Variants in GOLGA4 observed in about 807,000 individuals in gnomAD.
The protein encoded by GOLGA4 is golgin subfamily A member 4.
GOLGA4 carries 169 observed loss-of-function variants against 265.9 expected under a neutral mutation model. The observed-to-expected ratio is 0.64, with a 90% CI of 0.56 to 0.72. GOLGA4 has a LOEUF of 0.72. GOLGA4 is among the 30% of genes least tolerant of loss of function. The pLI is 0.00. For missense variants in GOLGA4, 2,482 were observed against 2,483.4 expected (o/e 1.00, Z 0.01); for synonymous variants, 923 against 855.8 (o/e 1.08, Z -1.37).
intron 3 of GOLGA4, among the ~76,000 whole-genome samples, chr3:37,283,708 G>T (rs1171638800): frequency 6.6e-6 from 1 of 151,902 alleles, no homozygotes; most frequent in African/African-American, 2.4e-5. Flanking sequence ...GTATTTTTTC[G>T]TAGAGTTGAG....
intron 9 of GOLGA4, among the ~76,000 whole-genome samples, chr3:37,300,386 C>G (rs939317400): frequency 1.3e-5 from 2 of 152,110 alleles, no homozygotes; most frequent in Non-Finnish European, 2.9e-5. Flanking sequence ...AAGAACATGT[C>G]AGAGCTGTCC....
At chr3:37,261,650 A>G (rs2096770175) in intron 2 of GOLGA4, among the ~76,000 whole-genome samples, 1 of 152,156 alleles carries the variant, frequency 6.6e-6, no homozygotes, top group Non-Finnish European at 1.5e-5. Context: ...AGGACTGGAA[A>G]TGTTCTATAC....
intron 2 of GOLGA4, among the ~76,000 whole-genome samples, chr3:37,271,886 C>A (rs2096799682): frequency 6.6e-6 from 1 of 152,182 alleles, no homozygotes; most frequent in South Asian, 2.1e-4. Flanking sequence ...GCTCTGCCTC[C>A]TGTTAGATCA....
In GOLGA4 at chr3:37,327,198, G is replaced by A; in HGVS notation, c.5312G>A (p.Cys1771Tyr). The change falls in exon 14 of 24, where the codon TGC becomes TAC. Residue 1771 changes from cysteine to tyrosine, a missense_variant. Around this residue, in one of 3 missense-constraint regions of GOLGA4, gnomAD observed 942 missense variants for 983.1 expected, o/e 0.96. Transcript: ENST00000361924. ...ETVSSHFEMR[C>Y]QYQERLIKLE... ...GTTTCTTCTCATTTTGAAATGCGAT[G>A]CCAATACCAGGAGCGCTTAATAAAG... 1 of 1,613,884 alleles carries A rather than the reference G, an allele frequency of 6.2e-7. No homozygotes were observed. Among genetic ancestry groups the A allele is most frequent in the South Asian group, 1.1e-5 (1 of 91,072 alleles).
chr3:37,362,240 ATTTT>A (rs773620319), intron 23 of GOLGA4, among the ~76,000 whole-genome samples: 1 of 93,978 alleles, frequency 1.1e-5, no homozygotes, highest in African/African-American at 4.0e-5. Flanking sequence ...TTTATTTATT[ATTTT>A]TTTTTTTTTT....
At chr3:37,308,245 A>C (rs1202319692) in intron 10 of GOLGA4, among the ~76,000 whole-genome samples, 8 of 151,870 alleles carry the variant, frequency 5.3e-5, no homozygotes, top group African/African-American at 1.9e-4. Context: ...AAAAAAAAAA[A>C]CGAACAAAAA....
chr3:37,304,802 C>A (rs938168548), intron 10 of GOLGA4, among the ~76,000 whole-genome samples: 6 of 152,054 alleles, frequency 3.9e-5, no homozygotes, highest in Non-Finnish European at 8.8e-5. Flanking sequence ...AGCTTTCCTT[C>A]CCTTGCTTGC....
At chr3:37,363,779 A>C (rs1008496320) in intron 23 of GOLGA4, among the ~76,000 whole-genome samples, 2 of 152,170 alleles carry the variant, frequency 1.3e-5, no homozygotes, top group African/African-American at 4.8e-5. Flanking sequence ...TGTCTCCCAT[A>C]ATTTTTTAGA....
At chr3:37,266,785 T>G in intron 2 of GOLGA4, 1 of 816,978 alleles carries the variant, frequency 1.2e-6, no homozygotes, top group Non-Finnish European at 1.8e-6. Context: ...CATTATGATT[T>G]GTTTTTCATC....
At chr3:37,339,715 C>T (rs2097026504) in intron 19 of GOLGA4, among the ~76,000 whole-genome samples, 1 of 152,130 alleles carries the variant, frequency 6.6e-6, no homozygotes, top group South Asian at 2.1e-4. Flanking sequence ...AGTCCTTTGT[C>T]CATTTTTTAG....
intron 5 of GOLGA4, 125 bp downstream of exon 5, chr3:37,289,416 C>A: frequency 1.7e-6 from 1 of 577,762 alleles, no homozygotes; most frequent in Non-Finnish European, 3.1e-6. Flanking sequence ...CCAGTCCAGC[C>A]TACAAGACCA....
intron 2 of GOLGA4, among the ~76,000 whole-genome samples, chr3:37,252,143 T>TC (rs2096735634): frequency 6.6e-6 from 1 of 151,528 alleles, no homozygotes; most frequent in Non-Finnish European, 1.5e-5. Flanking sequence ...CCACTTTTTT[T>TC]CTGTGAAGTG....
Position 37,250,322 on chromosome 3 carries a change from C to G in GOLGA4, c.73-1073C>G, listed in dbSNP as rs566428814. 4 of 152,198 alleles carry G rather than the reference C, an allele frequency of 2.6e-5. No homozygotes were observed. In the South Asian group the frequency reaches 8.3e-4, roughly 32 times the overall value. The allele number at this position is 152,198 out of a possible 1,614,324, so 9.4% of individuals were successfully genotyped here. ...AAGGATCTGATTTGTGTGTCTTGCC[C>G]CATATGGATGGCCAGTTGTCCCAAC... On this transcript the variant is annotated intron_variant, in intron 1 of 23. Coordinates refer to ENST00000361924, the MANE Select transcript of GOLGA4 (RefSeq NM_002078.5).
At chr3:37,321,962 T>C (rs1466207090) in intron 13 of GOLGA4, 76 bp downstream of exon 13, 3 of 1,214,958 alleles carry the variant, frequency 2.5e-6, no homozygotes, top group South Asian at 3.0e-5. Context: ...CTAGTCAGTA[T>C]AAAGTTTCGA....
At chr3:37,363,555 A>G (rs1237199714) in intron 23 of GOLGA4, among the ~76,000 whole-genome samples, 2 of 152,150 alleles carry the variant, frequency 1.3e-5, no homozygotes, top group African/African-American at 2.4e-5. Context: ...CTCTCCATTT[A>G]TATTATTCCC....
chr3:37,350,969 G>A (rs1453078745), intron 21 of GOLGA4, among the ~76,000 whole-genome samples: 1 of 152,080 alleles, frequency 6.6e-6, no homozygotes, highest in Admixed American at 6.6e-5. Flanking sequence ...AGGTTGGGGT[G>A]TCTGTGGCAT....
At position 37,327,819 on chromosome 3, in the gene GOLGA4, A is replaced by G. The variant is rs1482154920; in HGVS notation, c.5933A>G (p.Lys1978Arg). ...GAATATGATCAAGAAAGGGAAGAGA[A>G]AATCAAGTAAGTTTTATTTCAGCTT... ...KKEYDQEREE[K>R]IKQEQEDLEL... The change falls in exon 14 of 24, where the codon AAA becomes AGA. Residue 1978 changes from lysine to arginine, a missense_variant. Physicochemically the swap from Lys to Arg is conservative, Grantham distance 26. Coordinates refer to ENST00000361924, the MANE Select transcript of GOLGA4 (RefSeq NM_002078.5). 6.3e-7 allele frequency: 1 copy of G among 1,589,798 alleles called. No individual in the cohort carries two copies. Among genetic ancestry groups the G allele is most frequent in the East Asian group, 2.2e-5 (1 of 44,570 alleles).
In GOLGA4 at chr3:37,335,186, G is replaced by C; in HGVS notation, c.6306+20G>C. On this transcript the variant is annotated intron_variant, in intron 17 of 23. Transcript: ENST00000361924. ...GATAATGTGAGAGGAGTTTGAGTTT[G>C]CTGCACATGTTTCTTGAAAACATTG... The C allele has an allele frequency of 8.0e-7, 1 of 1,245,432 alleles. No individual in the cohort carries two copies. Among genetic ancestry groups the C allele is most frequent in the Non-Finnish European group, 1.2e-6 (1 of 855,188 alleles). 77.1% of individuals were successfully genotyped at this position (1,245,432 alleles called of 1,614,324 possible). A position where few individuals can be genotyped will look rare whatever the true frequency, so the allele number is the denominator to read the frequency against.
At chr3:37,295,266 A>G (rs768746723) in intron 6 of GOLGA4, among the ~76,000 whole-genome samples, 189 bp downstream of exon 6, 4 of 151,988 alleles carry the variant, frequency 2.6e-5, no homozygotes, top group Non-Finnish European at 5.9e-5. Flanking sequence ...CACCCTGGCT[A>G]TAGTGCAGTG....
Sources: gnomAD v4.1 joint callset for allele counts (sites outside exome capture counted in the v4.1 genomes callset) on GRCh38, gnomAD v4.1.1 for gene constraint, gnomAD v4.1.1 regional missense constraint, MANE v1.5 for transcripts, NCBI Gene and HGNC (gene_info 2026-07-23, HGNC 2026-07-21) for gene names.